PDE1A: variants seen among roughly 807,000 people sequenced by gnomAD.
PDE1A encodes dual specificity calcium/calmodulin-dependent 3',5'-cyclic nucleotide phosphodiesterase 1A.
In PDE1A, 35 loss-of-function variants were observed where a neutral mutation model predicts 61.7. That is an observed-to-expected ratio of 0.57 (90% confidence interval 0.43 to 0.75). PDE1A has a LOEUF of 0.75. PDE1A is among the 30% of genes least tolerant of loss of function. The pLI is 0.00. For synonymous variants in PDE1A, 232 were observed against 213.2 expected (o/e 1.09, Z -0.77); for missense variants, 597 against 630.6 (o/e 0.95, Z 0.57).
intron 1 of PDE1A, among the ~76,000 whole-genome samples, chr2:182,374,570 A>T (rs1490574204): frequency 6.6e-6 from 1 of 152,190 alleles, no homozygotes; most frequent in African/African-American, 2.4e-5. Flanking sequence ...GAAAAAATTC[A>T]TCAGACATAT....
At chr2:182,700,721 C>CAAAAAAAAAAAAAAAAAAAAAAAAAA in the PDE1A span, among the ~76,000 whole-genome samples, 2 of 24,000 alleles carry the variant, frequency 8.3e-5, no homozygotes, top group Non-Finnish European at 1.9e-4. Flanking sequence ...GACTCCATCT[C>CAAAAAAAAAAAAAAAAAAAAAAAAAA]AAAAAAAAAA....
chr2:182,165,256 A>C (rs1194732484), downstream of PDE1A, among the ~76,000 whole-genome samples: 1 of 152,272 alleles, frequency 6.6e-6, no homozygotes, highest in Admixed American at 6.5e-5. Context: ...TTTCTGCAAC[A>C]TTATGTTCTT....
chr2:182,351,467 T>A (rs1377465840), intron 1 of PDE1A, among the ~76,000 whole-genome samples: 1 of 152,206 alleles, frequency 6.6e-6, no homozygotes, highest in African/African-American at 2.4e-5. Context: ...TTTTAGGACC[T>A]GATTATCAAG....
the PDE1A span, among the ~76,000 whole-genome samples, chr2:182,619,597 C>T: frequency 6.6e-6 from 1 of 152,098 alleles, no homozygotes; most frequent in African/African-American, 2.4e-5. Context: ...CACTAAGATT[C>T]TAAGACACTA....
chr2:182,604,649 T>C, the PDE1A span, among the ~76,000 whole-genome samples: 1 of 152,238 alleles, frequency 6.6e-6, no homozygotes, highest in Admixed American at 6.5e-5. Context: ...TTATTATCCC[T>C]AAGCATGCTA....
At chr2:182,689,966 C>G in the PDE1A span, among the ~76,000 whole-genome samples, 1 of 152,122 alleles carries the variant, frequency 6.6e-6, no homozygotes, top group South Asian at 2.1e-4. Context: ...TACACCCTCC[C>G]AAGACTAAAT....
the PDE1A span, among the ~76,000 whole-genome samples, chr2:182,626,838 CATAT>C: frequency 1.0e-4 from 1 of 10,034 alleles, no homozygotes; most frequent in South Asian, 3.6e-3. Context: ...TATATATATA[CATAT>C]ATATACATAT....
In PDE1A at chr2:182,199,716, AT is replaced by A. The variant is rs201025534; in HGVS notation, c.1125+1722del. Among the ~76,000 whole-genome samples the A allele has an allele frequency of 7.3e-3, 1,115 of 152,166 alleles. 12 individuals carry two copies. The highest frequency in any genetic ancestry group is 0.024 in the African/African-American group (1,016 of 41,536). Reference sequence around the variant, plus strand: ...TTTGGTAGGTTTTTACATTTAGTGTATTTTTTTAGCACAAAGCAAATTATTA... The same window carrying A: ...TTTGGTAGGTTTTTACATTTAGTGTATTTTTTAGCACAAAGCAAATTATTA... On this transcript the variant is annotated intron_variant, in intron 10 of 13. Transcript: ENST00000351439.
intron 1 of PDE1A, among the ~76,000 whole-genome samples, chr2:182,418,790 A>G (rs1703083607): frequency 6.6e-6 from 1 of 152,014 alleles, no homozygotes. Flanking sequence ...CTTAATCACA[A>G]CCTTGAAAAA....
chr2:182,207,847 C>T (rs1231125512), intron 7 of PDE1A, among the ~76,000 whole-genome samples: 1 of 152,216 alleles, frequency 6.6e-6, no homozygotes, highest in Non-Finnish European at 1.5e-5. Context: ...CCCTGCATCC[C>T]AGCTGCTCTA....
At chr2:182,704,218 A>AAC in the PDE1A span, among the ~76,000 whole-genome samples, 12 of 150,132 alleles carry the variant, frequency 8.0e-5, no homozygotes, top group South Asian at 2.1e-4. Context: ...CTGGAAAAAA[A>AAC]AAAAAAACAA....
exon 3 of PDE1A, chr2:182,240,209 G>A: frequency 6.2e-7 from 1 of 1,613,782 alleles, no homozygotes; most frequent in Non-Finnish European, 8.5e-7. Context: ...CCGTGTAAAG[G>A]TAGAAGCCAA....
intron 1 of PDE1A, among the ~76,000 whole-genome samples, chr2:182,412,741 C>T (rs1395714694): frequency 6.6e-6 from 1 of 152,046 alleles, no homozygotes; most frequent in African/African-American, 2.4e-5. Context: ...ACACTAGATA[C>T]AAGGTTTTTC....
intron 2 of PDE1A, among the ~76,000 whole-genome samples, chr2:182,469,604 T>C (rs982561841): frequency 1.3e-4 from 20 of 152,012 alleles, no homozygotes; most frequent in African/African-American, 4.8e-5. Context: ...GATAGCACTT[T>C]TAATTTTCAT....
At chr2:182,589,745 C>T in the PDE1A span, among the ~76,000 whole-genome samples, 1 of 152,226 alleles carries the variant, frequency 6.6e-6, no homozygotes, top group Non-Finnish European at 1.5e-5. Context: ...ATCGAGAATA[C>T]TCTCATTTAA....
the PDE1A span, among the ~76,000 whole-genome samples, chr2:182,570,944 A>T: frequency 2.0e-5 from 3 of 152,196 alleles, no homozygotes; most frequent in Admixed American, 6.5e-5. Context: ...AAATGAGACT[A>T]ATAATTGTAC....
chr2:182,648,536 T>TAAAAAAAAAAAAAAAAA, the PDE1A span, among the ~76,000 whole-genome samples: 52 of 92,164 alleles, frequency 5.6e-4, no homozygotes, highest in African/African-American at 1.2e-3. Flanking sequence ...AAAAAAAAAT[T>TAAAAAAAAAAAAAAAAA]AAAAAAATTA....
chr2:182,692,237 A>C, the PDE1A span, among the ~76,000 whole-genome samples: 1 of 152,176 alleles, frequency 6.6e-6, no homozygotes, highest in Admixed American at 6.5e-5. Context: ...TTATTGCGGC[A>C]CTACTCACAA....
rs1694448983 is a variant in PDE1A at position 182,290,381 on chromosome 2, G to A, written c.54-25967C>T. Among the ~76,000 whole-genome samples the A allele has an allele frequency of 3.3e-5, 5 of 152,090 alleles. 1 individual carries two copies. Among genetic ancestry groups the A allele is most frequent in the Admixed American group, 1.3e-4 (2 of 15,244 alleles). The stretch of plus-strand genomic sequence containing the variant: ...AAATCTTTTGGTGGAAAGACTGAAA[G>A]CCTTCAGGTGTTTACTAATTTCTCT... On this transcript the variant is annotated intron_variant, in intron 1 of 13. Coordinates refer to ENST00000351439, the Ensembl canonical transcript of PDE1A.
Sources: allele counts gnomAD v4.1 joint callset (sites outside exome capture counted in the v4.1 genomes callset), GRCh38; gene constraint gnomAD v4.1.1; transcripts MANE v1.5; gene names NCBI Gene and HGNC (gene_info 2026-07-23, HGNC 2026-07-21).